Variants in TACR3 observed in about 807,000 individuals in gnomAD.
TACR3 encodes tachykinin receptor 3.
In TACR3, 34 loss-of-function variants were observed where a neutral mutation model predicts 35.0. That is an observed-to-expected ratio of 0.97 (90% CI 0.74 to 1.30). TACR3 has a LOEUF of 1.30. Among genes scored for constraint, TACR3 ranks in the 50% most tolerant of loss-of-function variants. The pLI is 0.00. For synonymous variants in TACR3, 233 were observed against 221.1 expected (o/e 1.05, Z -0.48); for missense variants, 558 against 591.7 (o/e 0.94, Z 0.59).
At chr4:103,599,796 G>T (rs573085402) in intron 3 of TACR3, among the ~76,000 whole-genome samples, 1 of 152,244 alleles carries the variant, frequency 6.6e-6, no homozygotes, top group African/African-American at 2.4e-5. Context: ...TGCATCCCAG[G>T]GATGAAGCCC....
At chr4:103,644,731 G>C (rs1725424193) in intron 3 of TACR3, among the ~76,000 whole-genome samples, 1 of 151,498 alleles carries the variant, frequency 6.6e-6, no homozygotes, top group South Asian at 2.1e-4. Context: ...ATGATAACAT[G>C]CCTTTTTAAA....
intron 3 of TACR3, 44 bp from the exon 4 acceptor site, chr4:103,591,727 A>G (rs202130948): frequency 5.3e-6 from 8 of 1,520,912 alleles, no homozygotes; most frequent in Non-Finnish European, 6.3e-6. Flanking sequence ...AATACTCATA[A>G]TAGTTCCAAT....
At chr4:103,660,039 A>G (rs978608240) in intron 1 of TACR3, among the ~76,000 whole-genome samples, 7 of 152,176 alleles carry the variant, frequency 4.6e-5, no homozygotes, top group Non-Finnish European at 1.0e-4. Flanking sequence ...AATATCGCAT[A>G]GGCCAAAAAA....
At chr4:103,684,184 T>C (rs1196765906) in intron 1 of TACR3, among the ~76,000 whole-genome samples, 2 of 152,104 alleles carry the variant, frequency 1.3e-5, no homozygotes, top group African/African-American at 4.8e-5. Flanking sequence ...ATGTCCACTC[T>C]TACCACTTCT....
chr4:103,712,688 A>C (rs1722998602), intron 1 of TACR3, among the ~76,000 whole-genome samples: 1 of 152,194 alleles, frequency 6.6e-6, no homozygotes, highest in Admixed American at 6.5e-5. Context: ...TGAACAGGCA[A>C]CCCACAGAAT....
intron 3 of TACR3, among the ~76,000 whole-genome samples, chr4:103,615,834 TA>T (rs1237633159): frequency 1.3e-5 from 2 of 151,564 alleles, no homozygotes; most frequent in Non-Finnish European, 2.9e-5. Flanking sequence ...AATCTCGGTA[TA>T]TTTTTTTGTT....
In TACR3 at chr4:103,719,582, C is replaced by A; in HGVS notation, c.94G>T (p.Ala32Ser). ...VNLTASLAAG[A>S]ATGAVETGWL... Reference sequence around the variant, plus strand: ...CCAGTCTCAACTGCCCCCGTGGCCGCCCCGGCAGCTAGCGAGGCGGTCAGG... The same window carrying A: ...CCAGTCTCAACTGCCCCCGTGGCCGACCCGGCAGCTAGCGAGGCGGTCAGG... Residue 32 changes from alanine (A) to serine (S), a missense_variant, in exon 1 of 5, where the codon GCG becomes TCG. Ala to Ser is a moderately conservative substitution (Grantham distance 99). Transcript: ENST00000304883. 1 of 1,610,938 alleles carries A rather than the reference C, an allele frequency of 6.2e-7. No homozygotes were observed. The highest frequency in any genetic ancestry group is 8.5e-7 in the Non-Finnish European group (1 of 1,177,782).
intron 3 of TACR3, among the ~76,000 whole-genome samples, chr4:103,631,416 TAAA>T (rs923868454): frequency 6.6e-6 from 1 of 152,138 alleles, no homozygotes; most frequent in Non-Finnish European, 1.5e-5. Flanking sequence ...ATGTATATAA[TAAA>T]AAGCTTCCTA....
intron 1 of TACR3, among the ~76,000 whole-genome samples, chr4:103,660,011 T>TA (rs1232530025): frequency 3.9e-5 from 6 of 152,288 alleles, no homozygotes; most frequent in African/African-American, 1.4e-4. Flanking sequence ...TCAGACGTAA[T>TA]ACTTTCATCA....
At chr4:103,604,477 T>C (rs1724299209) in intron 3 of TACR3, among the ~76,000 whole-genome samples, 1 of 152,102 alleles carries the variant, frequency 6.6e-6, no homozygotes, top group Non-Finnish European at 1.5e-5. Flanking sequence ...GATGTAGACA[T>C]GAGAAAAGAC....
intron 3 of TACR3, among the ~76,000 whole-genome samples, chr4:103,619,657 G>T (rs908357304): frequency 3.3e-5 from 5 of 149,994 alleles, no homozygotes; most frequent in African/African-American, 1.2e-4. Context: ...TTGTGGGTCC[G>T]TTACAGATGG....
intron 3 of TACR3, among the ~76,000 whole-genome samples, chr4:103,645,207 G>T (rs1725433119): frequency 1.3e-5 from 2 of 151,876 alleles, no homozygotes; most frequent in South Asian, 4.1e-4. Context: ...TGTACATATT[G>T]TTATATTGAT....
intron 1 of TACR3, among the ~76,000 whole-genome samples, chr4:103,707,963 C>T (rs973412768): frequency 6.1e-4 from 93 of 152,292 alleles, no homozygotes; most frequent in African/African-American, 1.8e-3. Flanking sequence ...GAGGGGCACC[C>T]GCCATTGCTA....
intron 1 of TACR3, among the ~76,000 whole-genome samples, chr4:103,693,150 T>C: frequency 6.6e-6 from 1 of 152,182 alleles, no homozygotes; most frequent in East Asian, 1.9e-4. Flanking sequence ...ATTATATCAT[T>C]ATGGTTTTTA....
In TACR3 at chr4:103,589,504, CAT is replaced by C. The variant is rs886058971; in HGVS notation, c.*176_*177del. 1.6e-4 allele frequency: 103 copies of C among 630,088 alleles called. No individual in the cohort carries two copies. In the East Asian group the frequency reaches 2.0e-3, roughly 12 times the overall value. 39.0% of individuals were successfully genotyped at this position (630,088 alleles called of 1,614,324 possible). On this transcript the variant is annotated 3_prime_UTR_variant, in exon 5 of 5. Transcript: ENST00000304883. ...CCATTTTATTTTGGGTGGAGGCTAACATGTTATTAGTGTCTTTGTCACATTTA... is the reference window on the plus strand; with the variant it reads ...CCATTTTATTTTGGGTGGAGGCTAACGTTATTAGTGTCTTTGTCACATTTA...
At chr4:103,636,267 T>C (rs557791159) in intron 3 of TACR3, among the ~76,000 whole-genome samples, 4 of 152,064 alleles carry the variant, frequency 2.6e-5, no homozygotes, top group Middle Eastern at 3.4e-3. Context: ...CACAAAATAC[T>C]ATGTATTGAG....
chr4:103,682,386 C>A (rs1366668840), intron 1 of TACR3, among the ~76,000 whole-genome samples: 1 of 152,046 alleles, frequency 6.6e-6, no homozygotes, highest in African/African-American at 2.4e-5. Flanking sequence ...AGGAAACTTA[C>A]AATTATGGTA....
chr4:103,605,859 T>G (rs1724344432), intron 3 of TACR3, among the ~76,000 whole-genome samples: 1 of 152,232 alleles, frequency 6.6e-6, no homozygotes, highest in South Asian at 2.1e-4. Flanking sequence ...TTGTCTTTGG[T>G]TGCCATGGCT....
At chr4:103,629,159 T>A (rs1724984080) in intron 3 of TACR3, among the ~76,000 whole-genome samples, 1 of 152,128 alleles carries the variant, frequency 6.6e-6, no homozygotes, top group African/African-American at 2.4e-5. Context: ...CAGAGCTATT[T>A]ATGACAAACC....
Sources: gnomAD v4.1 joint callset for allele counts (sites outside exome capture counted in the v4.1 genomes callset) on GRCh38, gnomAD v4.1.1 for gene constraint, MANE v1.5 for transcripts, NCBI Gene and HGNC (gene_info 2026-07-23, HGNC 2026-07-21) for gene names.